ABR: variants seen among roughly 807,000 people sequenced by gnomAD.
ABR encodes the protein ABR activator of RhoGEF and GTPase.
A neutral mutation model predicts 107.2 loss-of-function variants in ABR; 35 were observed. That is an observed-to-expected ratio of 0.33 (90% confidence interval 0.25 to 0.43). The LOEUF is 0.43. ABR is among the 20% of genes least tolerant of loss of function. The probability of loss-of-function intolerance (pLI) is 1.00; values close to 1 mark genes in which losing one functional copy is unlikely to be tolerated. For missense variants in ABR, 815 were observed against 1,115.2 expected, an observed-to-expected ratio of 0.73 and a Z score of 3.83; for synonymous variants, 498 against 462.0, an observed-to-expected ratio of 1.08 and a Z score of -1.00.
chr17:1,165,064 A>G (rs1451036123), intron 1 of ABR, among the ~76,000 whole-genome samples: 1 of 152,230 alleles, frequency 6.6e-6, no homozygotes, highest in African/African-American at 2.4e-5. Flanking sequence ...GATTGTTCCC[A>G]TTCTAAAGGT....
Position 1,050,221 on chromosome 17 carries a change from C to G in ABR, c.1660-40G>C. 6.3e-7 allele frequency: 1 copy of G among 1,585,430 alleles called. No individual in the cohort carries two copies. The highest frequency in any genetic ancestry group is 1.8e-5 in the Admixed American group (1 of 55,998). ...GACAAAGGGCCCTGAACCTCCGAAG[C>G]TGGGAGGCCTGGCTTTCCGGCAGGT... On this transcript the variant is annotated intron_variant, in intron 15 of 22. Coordinates refer to ENST00000302538, the MANE Select transcript of ABR (RefSeq NM_021962.5). The surrounding 1 kb of genome is among the most constrained non-coding windows in gnomAD (Gnocchi z 4.6).
intron 16 of ABR, among the ~76,000 whole-genome samples, chr17:1,047,158 C>T (rs916782687): frequency 6.6e-5 from 10 of 152,244 alleles, no homozygotes; most frequent in African/African-American, 2.2e-4. Context: ...CCTCCTCCTG[C>T]CTTTCCTACA....
At chr17:1,171,056 T>C (rs1338218176) in intron 1 of ABR, among the ~76,000 whole-genome samples, 1 of 152,106 alleles carries the variant, frequency 6.6e-6, no homozygotes, top group Non-Finnish European at 1.5e-5. Context: ...AGAGGGATCT[T>C]TCTCCTAAAA....
At chr17:1,118,234 A>C (rs1482439740) in intron 2 of ABR, among the ~76,000 whole-genome samples, 1 of 32,192 alleles carries the variant, frequency 3.1e-5, no homozygotes, top group African/African-American at 1.2e-4. Flanking sequence ...CCCAGCGTTA[A>C]CCCTGAGCCT....
intron 1 of ABR, among the ~76,000 whole-genome samples, chr17:1,167,139 G>T (rs538598115): frequency 2.6e-4 from 39 of 150,684 alleles, no homozygotes; most frequent in African/African-American, 8.8e-4. Context: ...TCGGGGTGAG[G>T]CAAAGCCTTG....
Position 1,012,466 on chromosome 17 carries a change from C to T in ABR, c.1961+222G>A, listed in dbSNP as rs1391617356. ...GAGGAGCAGACGATCTGGGATCTCA[C>T]AAGAGACCTTCCAGCGTTTAGGTGC... is the stretch of plus-strand genomic sequence containing the variant. On this transcript the variant is annotated intron_variant, in intron 18 of 22. Coordinates refer to ENST00000302538, the MANE Select transcript of ABR (RefSeq NM_021962.5). The T allele has an allele frequency of 8.6e-6, 6 of 697,504 alleles. No individual in the cohort carries two copies. The African/African-American group carries it at 1.0e-4, about 12-fold the overall frequency. The allele number at this position is 697,504 out of a possible 1,614,324, so 43.2% of individuals were successfully genotyped here. A position where few individuals can be genotyped will look rare whatever the true frequency, so the allele number is the denominator to read the frequency against.
chr17:1,077,835 CCA>C (rs2035855201), intron 6 of ABR, among the ~76,000 whole-genome samples: 1 of 152,210 alleles, frequency 6.6e-6, no homozygotes, highest in Admixed American at 6.5e-5. Flanking sequence ...CCTGCTGCTC[CCA>C]CAGACTCAGG....
In ABR at chr17:1,010,381, C is replaced by T. The variant is rs2070427916; in HGVS notation, c.2236+348G>A. On this transcript the variant is annotated intron_variant, in intron 20 of 22. Coordinates refer to ENST00000302538, the MANE Select transcript of ABR (RefSeq NM_021962.5). This position sits in a 1 kb window ranked among gnomAD's most constrained non-coding sequence, Gnocchi z 4.1. ...ATCTCGAGTGCCCTATGGCTTAAGC[C>T]AGCCTCCTCCTTGGTTCTGGGATGC... 2 of 304,560 alleles carry T rather than the reference C, an allele frequency of 6.6e-6. No individual in the cohort carries two copies. Among genetic ancestry groups the T allele is most frequent in the Non-Finnish European group, 1.3e-5 (2 of 159,856 alleles). 18.9% of individuals were successfully genotyped at this position (304,560 alleles called of 1,614,324 possible).
intron 1 of ABR, among the ~76,000 whole-genome samples, chr17:1,166,834 T>C (rs2041531492): frequency 1.3e-5 from 2 of 152,138 alleles, no homozygotes; most frequent in African/African-American, 4.8e-5. Context: ...ACCCTGTCTC[T>C]ACTAAAAATA....
chr17:1,031,533 AGCCC>A (rs2072754193), intron 16 of ABR: 2 of 93,648 alleles, frequency 2.1e-5, no homozygotes, highest in Non-Finnish European at 4.3e-5. Flanking sequence ...CAGCCCCCGC[AGCCC>A]CCCGAGCCCC....
At chr17:1,007,676 G>A (rs1390703249) in intron 21 of ABR, among the ~76,000 whole-genome samples, 1 of 152,208 alleles carries the variant, frequency 6.6e-6, no homozygotes, top group Admixed American at 6.5e-5. Flanking sequence ...AGGTAAATAT[G>A]ATTATCGTCA....
chr17:1,138,105 T>C (rs1250299786), intron 1 of ABR, among the ~76,000 whole-genome samples: 1 of 151,276 alleles, frequency 6.6e-6, no homozygotes, highest in Admixed American at 6.6e-5. Context: ...GGTTTCAGCA[T>C]GTTGGCCAGG....
At chr17:1,024,856 A>ACG (rs929835004) in intron 16 of ABR, among the ~76,000 whole-genome samples, 1 of 151,738 alleles carries the variant, frequency 6.6e-6, no homozygotes, top group African/African-American at 2.4e-5. Flanking sequence ...GCAGTGACTC[A>ACG]CGCCTGTAAT....
chr17:1,183,752 C>T (rs1159859859), upstream of ABR, among the ~76,000 whole-genome samples: 5 of 152,124 alleles, frequency 3.3e-5, no homozygotes, highest in East Asian at 9.6e-4. Context: ...AATATGTTCC[C>T]ATGCGGGGGC....
rs534764060 is a variant in ABR, at chr17:1,003,684, A to G, written c.*2396T>C. 1 of 152,566 alleles carries G rather than the reference A, an allele frequency of 6.6e-6. No individual in the cohort carries two copies. Among genetic ancestry groups the G allele is most frequent in the Admixed American group, 6.5e-5 (1 of 15,304 alleles). 9.5% of individuals were successfully genotyped at this position (152,566 alleles called of 1,614,324 possible). On this transcript the variant is annotated 3_prime_UTR_variant, in exon 23 of 23. Transcript: ENST00000302538. ...AGATATTCATGAAGGGTCCCATCCT[A>G]CCTGTGTATCAGCAGAAACTGGCAG...
intron 1 of ABR, among the ~76,000 whole-genome samples, chr17:1,211,006 G>A (rs1002644718): frequency 5.9e-5 from 9 of 152,194 alleles, no homozygotes; most frequent in African/African-American, 2.2e-4. Context: ...CTGGCCGAGC[G>A]TGGTGGCTCA....
At chr17:1,229,186 G>A (rs1365215158) in exon 1 of ABR, among the ~76,000 whole-genome samples, 1 of 151,536 alleles carries the variant, frequency 6.6e-6, no homozygotes, top group Non-Finnish European at 1.5e-5. Flanking sequence ...TCCGTGCCGG[G>A]AGCCGCCTGG....
rs892688364 is a variant in ABR at position 1,148,505 on chromosome 17, C to A, written c.62-23138G>T. On this transcript the variant is annotated intron_variant, in intron 1 of 22. Coordinates refer to ENST00000302538, the MANE Select transcript of ABR (RefSeq NM_021962.5). The surrounding 1 kb of genome is among the most constrained non-coding windows in gnomAD (Gnocchi z 4.9). ...CCCCGGGCATGGACCGGCACCAGTCCGTGGCCTGTTGGGAACCAGGATGCA... is the reference window on the plus strand; with the variant it reads ...CCCCGGGCATGGACCGGCACCAGTCAGTGGCCTGTTGGGAACCAGGATGCA... Among the ~76,000 whole-genome samples, 2 of 152,220 alleles carry A rather than the reference C, an allele frequency of 1.3e-5. No individual in the cohort carries two copies. Among genetic ancestry groups the A allele is most frequent in the African/African-American group, 4.8e-5 (2 of 41,472 alleles).
chr17:1,014,845 CAAAA>C (rs56169870), intron 16 of ABR, among the ~76,000 whole-genome samples: 1 of 151,574 alleles, frequency 6.6e-6, no homozygotes, highest in Non-Finnish European at 1.5e-5. Flanking sequence ...GACTCCGTCT[CAAAA>C]AAAACAACAA....
Sources: allele counts gnomAD v4.1 joint callset (sites outside exome capture counted in the v4.1 genomes callset), GRCh38; gene constraint gnomAD v4.1.1; non-coding constraint Gnocchi (gnomAD v3.1); transcripts MANE v1.5; gene names NCBI Gene and HGNC (gene_info 2026-07-23, HGNC 2026-07-21).